Variants in GPI observed in about 807,000 individuals in gnomAD.
GPI encodes D-hexose-6-phosphate anomerase.
In GPI, 56 loss-of-function variants were observed where a neutral mutation model predicts 75.8. That is an observed-to-expected ratio of 0.74 (90% CI 0.60 to 0.92). The LOEUF (loss-of-function observed/expected upper bound fraction) is 0.92, where lower values mean the gene tolerates loss of function less well. GPI is among the 40% of genes least tolerant of loss of function. The pLI, the probability that GPI is intolerant of heterozygous loss-of-function variation, is 0.00. For missense variants in GPI, 638 were observed against 741.0 expected (o/e 0.86, Z 1.61); for synonymous variants, 288 against 285.4 (o/e 1.01, Z -0.09).
chr19:34,365,127 A>G (rs1307132079), upstream of GPI: 31 of 778,242 alleles, frequency 4.0e-5, no homozygotes, highest in Non-Finnish European at 4.5e-5. Flanking sequence ...GCCGGGGCTC[A>G]GGGGTGGGGC....
In GPI at chr19:34,377,789, G is replaced by C. The variant is rs750076196; in HGVS notation, c.541G>C (p.Val181Leu). ...GCCATACTCTTCAGGAGGTCCCCGC[G>C]TCTGGTATGTCTCCAACATTGATGG... ...LKPYSSGGPR[V>L]WYVSNIDGTH... The change falls in exon 6 of 18, where the codon GTC becomes CTC. Residue 181 changes from valine to leucine, a missense_variant. Transcript: ENST00000356487. 1 of 1,614,008 alleles carries C rather than the reference G, an allele frequency of 6.2e-7. No individual in the cohort carries two copies. The highest frequency in any genetic ancestry group is 2.2e-5 in the East Asian group (1 of 44,880).
chr19:34,380,665 G>A (rs924753173), intron 8 of GPI, among the ~76,000 whole-genome samples: 1 of 152,214 alleles, frequency 6.6e-6, no homozygotes, highest in East Asian at 1.9e-4. Context: ...GCCTGGCCTC[G>A]AGGTTGTGCA....
intron 9 of GPI, among the ~76,000 whole-genome samples, chr19:34,391,905 G>GAT (rs1359556247): frequency 1.5e-3 from 2 of 1,298 alleles, no homozygotes; most frequent in African/African-American, 4.5e-3. Context: ...GGCAGTATCT[G>GAT]GTACAGGTAT....
rs988832478 is a variant in GPI, at chr19:34,374,115, C to T, written c.403-3388C>T. Reference sequence around the variant, plus strand: ...CTGAGTAGCTGGGATTACAGGTGCCCGCCACCATGCCCGCCTTTTTTTTTT... The same window carrying T: ...CTGAGTAGCTGGGATTACAGGTGCCTGCCACCATGCCCGCCTTTTTTTTTT... On this transcript the variant is annotated intron_variant, in intron 4 of 17. Coordinates refer to ENST00000356487, the MANE Select transcript of GPI (RefSeq NM_000175.5). Among the ~76,000 whole-genome samples, 16 of 150,916 alleles carry T rather than the reference C, an allele frequency of 1.1e-4. No homozygotes were observed. The East Asian group carries it at 2.1e-3, about 20-fold the overall frequency.
intron 1 of GPI, 88 bp downstream of exon 1, chr19:34,365,476 G>C: frequency 6.6e-7 from 1 of 1,505,738 alleles, no homozygotes; most frequent in Non-Finnish European, 8.9e-7. Context: ...GGGCAGCGGT[G>C]CCCGGGGACC....
intron 1 of GPI, 22 bp downstream of exon 1, chr19:34,365,410 G>T: frequency 1.3e-6 from 2 of 1,558,532 alleles, no homozygotes; most frequent in South Asian, 2.3e-5. Context: ...CCGGAGGCGG[G>T]GGCTGCCACG....
upstream of GPI, chr19:34,363,511 A>G (rs949962852): frequency 6.6e-6 from 1 of 152,018 alleles, no homozygotes; most frequent in African/African-American, 2.4e-5. Flanking sequence ...GAAAACCCTG[A>G]TTGGAGTGTT....
At chr19:34,386,098 G>A (rs558676442) in intron 9 of GPI, among the ~76,000 whole-genome samples, 319 of 151,526 alleles carry the variant, frequency 2.1e-3, no homozygotes, top group African/African-American at 7.3e-3. Flanking sequence ...TGCCTGCCAG[G>A]TATGGTCTGA....
chr19:34,389,245 T>G (rs1245314563), intron 9 of GPI, among the ~76,000 whole-genome samples: 1 of 152,112 alleles, frequency 6.6e-6, no homozygotes, highest in Non-Finnish European at 1.5e-5. Context: ...GTCATCTCAT[T>G]GCCCAAGCCA....
chr19:34,388,016 G>A (rs969867466), intron 9 of GPI, among the ~76,000 whole-genome samples: 1 of 152,176 alleles, frequency 6.6e-6, no homozygotes, highest in African/African-American at 2.4e-5. Context: ...GATGTCTAGG[G>A]AACCCTAAAG....
Position 34,393,343 on chromosome 19 carries a change from G to A in GPI, c.865+35G>A, listed in dbSNP as rs1176951753. On this transcript the variant is annotated intron_variant, in intron 10 of 17. Coordinates refer to ENST00000356487, the MANE Select transcript of GPI (RefSeq NM_000175.5). The surrounding 1 kb of genome is among the most constrained non-coding windows in gnomAD (Gnocchi z 4.4). ...TTTCTGTGTCTTGCAGCCCCTGTGG[G>A]AGACAGTGTTGCAGTCTAAGGTCGG... 4.5e-6 allele frequency: 7 copies of A among 1,551,398 alleles called. No individual in the cohort carries two copies. The highest frequency in any genetic ancestry group is 6.2e-6 in the Non-Finnish European group (7 of 1,122,564).
chr19:34,381,133 C>T, intron 8 of GPI: 1 of 426,352 alleles, frequency 2.3e-6, no homozygotes, highest in Non-Finnish European at 4.4e-6. Context: ...GTATCATGCT[C>T]TGGTGTCCCA....
chr19:34,377,581 G>A lies in GPI; in HGVS notation c.481G>A (p.Asp161Asn), dbSNP rs766594556. The A allele has an allele frequency of 1.1e-5, 17 of 1,612,130 alleles. No individual in the cohort carries two copies. The African/African-American group carries it at 1.1e-4, about 10-fold the overall frequency. The change falls in exon 5 of 18, where the codon GAC (aspartate) becomes AAC (asparagine). Residue 161 changes from aspartate to asparagine, a missense_variant. Coordinates refer to ENST00000356487, the MANE Select transcript of GPI (RefSeq NM_000175.5). ...CATCAACATTGGCATTGGCGGCTCC[G>A]ACCTGGTGAGGAGAAAACTGCCTTG... Reference protein sequence around the residue: ...DVINIGIGGSDLGPLMVTEAL... With the variant: ...DVINIGIGGSNLGPLMVTEAL...
intron 4 of GPI, among the ~76,000 whole-genome samples, chr19:34,373,652 G>A (rs892610457): frequency 2.0e-5 from 3 of 152,014 alleles, no homozygotes; most frequent in Non-Finnish European, 4.4e-5. Flanking sequence ...CCAAAATTTA[G>A]CAACTAGAAG....
In GPI at chr19:34,378,907, G is replaced by T. The variant is rs368742453; in HGVS notation, c.634-27G>T. 3.1e-6 allele frequency: 5 copies of T among 1,593,658 alleles called. No homozygotes were observed. In the African/African-American group the frequency reaches 6.7e-5, roughly 21 times the overall value. The stretch of plus-strand genomic sequence containing the variant: ...CCTGCACCCACCCCTAAGCTCGGGC[G>T]CCCACTGCTGTTCTCTTTGGTTGCA... On this transcript the variant is annotated intron_variant, in intron 6 of 17. Coordinates refer to ENST00000356487, the MANE Select transcript of GPI (RefSeq NM_000175.5).
At chr19:34,359,722 G>A (rs2074291480) in exon 1 of GPI, 1 of 152,814 alleles carries the variant, frequency 6.5e-6, no homozygotes, top group South Asian at 2.1e-4. Context: ...CACCCCACCA[G>A]TCCTCTGCCC....
At chr19:34,369,990 A>G (rs1315127152) in intron 4 of GPI, among the ~76,000 whole-genome samples, 1 of 152,266 alleles carries the variant, frequency 6.6e-6, no homozygotes, top group African/African-American at 2.4e-5. Context: ...GCACATACAC[A>G]TCTGTCATCT....
chr19:34,377,997 A>G, intron 6 of GPI, 116 bp downstream of exon 6: 6 of 1,060,956 alleles, frequency 5.7e-6, no homozygotes, highest in East Asian at 4.8e-5. Context: ...CGAGTGAACC[A>G]TGGTTTGTGG....
At position 34,400,425 on chromosome 19, in the gene GPI, G is replaced by A. The variant is rs773625600; in HGVS notation, c.*389G>A. On this transcript the variant is annotated 3_prime_UTR_variant, in exon 18 of 18. Coordinates refer to ENST00000356487, the MANE Select transcript of GPI (RefSeq NM_000175.5). ...AGCAGGACGCAGGCTGTGCCTCTGCGGACACTTAACACTAAGTGGTGAGCG... is the reference window on the plus strand; with the variant it reads ...AGCAGGACGCAGGCTGTGCCTCTGCAGACACTTAACACTAAGTGGTGAGCG... 52 of 591,264 alleles carry A rather than the reference G, an allele frequency of 8.8e-5. No individual in the cohort carries two copies. The highest frequency in any genetic ancestry group is 1.2e-4 in the Non-Finnish European group (40 of 334,146). 36.6% of individuals were successfully genotyped at this position (591,264 alleles called of 1,614,324 possible).
Sources: gnomAD v4.1 joint callset for allele counts (sites outside exome capture counted in the v4.1 genomes callset) on GRCh38, gnomAD v4.1.1 for gene constraint, Gnocchi (gnomAD v3.1) non-coding constraint, MANE v1.5 for transcripts, NCBI Gene and HGNC (gene_info 2026-07-23, HGNC 2026-07-21) for gene names.